The following TNRC18 variants were observed in gnomAD, a reference collection of about 807,000 sequenced individuals.
The protein encoded by TNRC18 is trinucleotide repeat-containing gene 18 protein.
A neutral mutation model predicts 226.7 loss-of-function variants in TNRC18; 69 were observed. The ratio of observed to expected loss-of-function variants is 0.30; its 90% confidence interval spans 0.25 to 0.37. The LOEUF is 0.37. Ranked by LOEUF, TNRC18 falls within the 10% of genes least tolerant of loss-of-function variation. The pLI is 1.00. For missense variants in TNRC18, 4,754 were observed against 4,256.6 expected (o/e 1.12, Z -3.25); for synonymous variants, 2,449 against 1,927.6 (o/e 1.27, Z -7.09).
In TNRC18 at chr7:5,347,332, G is replaced by A. The variant is rs545871902; in HGVS notation, c.5471-1522C>T. On this transcript the variant is annotated intron_variant, in intron 17 of 29. Coordinates refer to ENST00000430969, the MANE Select transcript of TNRC18 (RefSeq NM_001080495.3). Reference sequence around the variant, plus strand: ...CCTCTCGAGTAGTGGGACTACAGGCGCCCACCACCACACCAGGCTAATTTT... The same window carrying A: ...CCTCTCGAGTAGTGGGACTACAGGCACCCACCACCACACCAGGCTAATTTT... Among the ~76,000 whole-genome samples, 5 of 149,982 alleles carry A rather than the reference G, an allele frequency of 3.3e-5. No individual in the cohort carries two copies. In the East Asian group the frequency reaches 1.0e-3, roughly 30 times the overall value.
Position 5,320,387 on chromosome 7 carries a change from G to C in TNRC18, c.6676C>G (p.Gln2226Glu). Residue 2226 changes from glutamine (Q) to glutamate (E), a missense_variant, in exon 24 of 30, where the codon CAA becomes GAA. Gln to Glu is a conservative substitution (Grantham distance 29). Coordinates refer to ENST00000430969, the MANE Select transcript of TNRC18 (RefSeq NM_001080495.3). ...VRPASTRFLP[Q>E]GTRIAAYWSQ... ...CAGTAGGCTGCAATCCTGGTCCCTT[G>C]TGGCAAGAAGCGAGTGGAGGCTGGC... 1 of 1,562,170 alleles carries C rather than the reference G, an allele frequency of 6.4e-7. No homozygotes were observed. The highest frequency in any genetic ancestry group is 8.7e-7 in the Non-Finnish European group (1 of 1,153,048).
At chr7:5,343,717 G>A (rs558416472) in intron 18 of TNRC18, among the ~76,000 whole-genome samples, 28 of 152,296 alleles carry the variant, frequency 1.8e-4, no homozygotes, top group Non-Finnish European at 2.4e-4. Context: ...GTGAGCCACC[G>A]TGCATGGCCA....
chr7:5,352,169 G>C lies in TNRC18; in HGVS notation c.5195-75C>G, dbSNP rs189570166. On this transcript the variant is annotated intron_variant, in intron 16 of 29. Transcript: ENST00000430969. Reference sequence around the variant, plus strand: ...CTGGTGTCATTTTATTGGTTTTAATGGTTCTGAGAACGTACTGGAAGGTGC... The same window carrying C: ...CTGGTGTCATTTTATTGGTTTTAATCGTTCTGAGAACGTACTGGAAGGTGC... 9.4e-5 allele frequency: 136 copies of C among 1,441,638 alleles called. No homozygotes were observed. In the East Asian group the frequency reaches 2.7e-3, roughly 29 times the overall value. The allele number at this position is 1,441,638 out of a possible 1,614,324, so 89.3% of individuals were successfully genotyped here.
intron 14 of TNRC18, among the ~76,000 whole-genome samples, chr7:5,360,977 T>C (rs913027677): frequency 1.3e-5 from 2 of 152,140 alleles, no homozygotes; most frequent in African/African-American, 4.8e-5. Context: ...ACCCCTTTCC[T>C]TGACGGGCCC....
chr7:5,311,777 C>A (rs1034236897), intron 27 of TNRC18, among the ~76,000 whole-genome samples: 1 of 151,686 alleles, frequency 6.6e-6, no homozygotes, highest in Non-Finnish European at 1.5e-5. Flanking sequence ...ACGATGGCAC[C>A]GCTGCACTCC....
In TNRC18 at chr7:5,377,190, C is replaced by T. The variant is rs1234498291; in HGVS notation, c.2461+181G>A. Among the ~76,000 whole-genome samples the T allele has an allele frequency of 6.6e-6, 1 of 152,224 alleles. No individual in the cohort carries two copies. The highest frequency in any genetic ancestry group is 1.5e-5 in the Non-Finnish European group (1 of 68,034). ...GCATTGGGCATCTGCCCCAAACAGG[C>T]ATGGCAGAGGGGCCCCACGAGGCAG... is the stretch of plus-strand genomic sequence containing the variant. On this transcript the variant is annotated intron_variant, in intron 7 of 29. Coordinates refer to ENST00000430969, the MANE Select transcript of TNRC18 (RefSeq NM_001080495.3). The surrounding 1 kb of genome is among the most constrained non-coding windows in gnomAD (Gnocchi z 5.8).
At chr7:5,321,741 G>A (rs1463361429) in intron 21 of TNRC18, among the ~76,000 whole-genome samples, 10 of 151,470 alleles carry the variant, frequency 6.6e-5, no homozygotes, top group Middle Eastern at 6.8e-3. Context: ...GCATGATCTC[G>A]GCTCACTGCA....
chr7:5,354,763 G>T (rs1476948915), intron 16 of TNRC18, among the ~76,000 whole-genome samples: 1 of 152,104 alleles, frequency 6.6e-6, no homozygotes, highest in African/African-American at 2.4e-5. Context: ...GAAAAAACTA[G>T]CAGCTTAATT....
intron 16 of TNRC18, among the ~76,000 whole-genome samples, chr7:5,355,432 A>G (rs113916705): frequency 1.9e-3 from 296 of 152,240 alleles, no homozygotes; most frequent in African/African-American, 6.9e-3. Context: ...GTTTAAGACC[A>G]GCATGGGCAA....
chr7:5,420,746 A>C, intron 2 of TNRC18: 1 of 604,458 alleles, frequency 1.7e-6, no homozygotes, highest in Non-Finnish European at 3.1e-6. Context: ...CCAGATTTTG[A>C]AAACTCCAGC....
Position 5,345,517 on chromosome 7 carries a change from G to GGCCCCCCCCCC in TNRC18, c.5719+44_5719+45insGGGGGGGGGGC. ...CCTGTGGGATGGGGCAATGGCGTCC[G>GGCCCCCCCCCC]CCCCTCCCACCCACCCCCACCGCAG... On this transcript the variant is annotated intron_variant, in intron 18 of 29. Transcript: ENST00000430969. 53 of 377,742 alleles carry GGCCCCCCCCCC rather than the reference G, an allele frequency of 1.4e-4. 4 individuals are homozygous for GGCCCCCCCCCC. The highest frequency in any genetic ancestry group is 5.7e-4 in the South Asian group (13 of 22,822). 23.4% of individuals were successfully genotyped at this position (377,742 alleles called of 1,614,324 possible).
At chr7:5,418,831 T>G (rs1425271255) in intron 2 of TNRC18, among the ~76,000 whole-genome samples, 6 of 151,170 alleles carry the variant, frequency 4.0e-5, no homozygotes, top group Admixed American at 3.9e-4. Flanking sequence ...AAGCAGAGAG[T>G]GAATGGGAGC....
intron 15 of TNRC18, 55 bp from the exon 16 acceptor site, chr7:5,357,331 G>A: frequency 1.3e-6 from 2 of 1,526,022 alleles, no homozygotes; most frequent in African/African-American, 1.4e-5. Context: ...AGTATAGTGG[G>A]TTTCAGTGCA....
intron 2 of TNRC18, among the ~76,000 whole-genome samples, chr7:5,400,549 G>T (rs1008280673): frequency 4.6e-5 from 7 of 151,972 alleles, no homozygotes; most frequent in Non-Finnish European, 2.9e-5. Context: ...GAGGTGGAAG[G>T]TGCAGTGAGC....
rs538262900 is a variant in TNRC18, at chr7:5,387,836, G to C, written c.1988C>G (p.Ala663Gly). ...RDPERPESAKAFGREGSGAQG... is the reference protein window; with the variant it reads ...RDPERPESAKGFGREGSGAQG... ...GGCACCAGAGCCCTCGCGCCCGAAA[G>C]CTTTGGCGCTCTCGGGCCTCTCGGG... The change falls in exon 5 of 30, where the codon GCT (alanine) becomes GGT (glycine). Residue 663 changes from alanine (A) to glycine (G), a missense_variant. Physicochemically the swap from Ala to Gly is moderately conservative, Grantham distance 60. Coordinates refer to ENST00000430969, the MANE Select transcript of TNRC18 (RefSeq NM_001080495.3). 3 of 1,605,908 alleles carry C rather than the reference G, an allele frequency of 1.9e-6. No homozygotes were observed. Among genetic ancestry groups the C allele is most frequent in the Non-Finnish European group, 2.5e-6 (3 of 1,179,086 alleles).
At position 5,315,052 on chromosome 7, in the gene TNRC18, G is replaced by A. The variant is rs936192640; in HGVS notation, c.6959C>T (p.Ala2320Val). ...DTGEGKDGGT[A>V]GSEEPGAKAR... is the part of the protein sequence containing the mutation. Reference sequence around the variant, plus strand: ...CTTGGCTCCTGGCTCCTCCGACCCAGCCGTGCCACCATCTTTGCCCTCCCC... The same window carrying A: ...CTTGGCTCCTGGCTCCTCCGACCCAACCGTGCCACCATCTTTGCCCTCCCC... Residue 2320 changes from alanine to valine, a missense_variant, in exon 26 of 30, where the codon GCT (alanine) becomes GTT (valine). Physicochemically the swap from Ala to Val is moderately conservative, Grantham distance 64. Coordinates refer to ENST00000430969, the MANE Select transcript of TNRC18 (RefSeq NM_001080495.3). The A allele has an allele frequency of 6.2e-7, 1 of 1,610,260 alleles. No homozygotes were observed. The highest frequency in any genetic ancestry group is 1.3e-5 in the African/African-American group (1 of 74,810).
intron 16 of TNRC18, among the ~76,000 whole-genome samples, chr7:5,356,445 C>G (rs896550192): frequency 6.6e-6 from 1 of 152,200 alleles, no homozygotes; most frequent in Non-Finnish European, 1.5e-5. Flanking sequence ...GCCAACACTT[C>G]GCGACAAAGC....
chr7:5,338,074 G>A (rs574685983), intron 18 of TNRC18, among the ~76,000 whole-genome samples: 1 of 152,014 alleles, frequency 6.6e-6, no homozygotes, highest in South Asian at 2.1e-4. Flanking sequence ...TAAAATATGA[G>A]GTATGATATG....
Position 5,388,388 on chromosome 7 carries a change from G to T in TNRC18, c.1436C>A (p.Pro479His). 1.3e-6 allele frequency: 2 copies of T among 1,521,634 alleles called. No individual in the cohort carries two copies. Among genetic ancestry groups the T allele is most frequent in the Non-Finnish European group, 8.8e-7 (1 of 1,141,490 alleles). 94.3% of individuals were successfully genotyped at this position (1,521,634 alleles called of 1,614,324 possible). A position where few individuals can be genotyped will look rare whatever the true frequency, so the allele number is the denominator to read the frequency against. ...GGCTGCAGGACCGGCTGGGCCGCGG[G>T]GCGCACGCTCGCAGGGCCTCGGGTC... The part of the protein sequence containing the change: ...EADPRPCERA[P>H]RGPAGPAAQQ... The change falls in exon 5 of 30, where the codon CCC becomes CAC. Residue 479 changes from proline to histidine, a missense_variant. By Grantham distance (77) the Pro-to-His change is moderately conservative. Coordinates refer to ENST00000430969, the MANE Select transcript of TNRC18 (RefSeq NM_001080495.3).
Sources: gnomAD v4.1 joint callset for allele counts (sites outside exome capture counted in the v4.1 genomes callset) on GRCh38, gnomAD v4.1.1 for gene constraint, Gnocchi (gnomAD v3.1) non-coding constraint, MANE v1.5 for transcripts, NCBI Gene and HGNC (gene_info 2026-07-23, HGNC 2026-07-21) for gene names.